Variants in MGST1 observed in about 807,000 individuals in gnomAD.
MGST1 encodes microsomal glutathione S-transferase 1.
MGST1 carries 5 observed loss-of-function variants against 8.9 expected under a neutral mutation model. The ratio of observed to expected loss-of-function variants is 0.56; its 90% CI spans 0.29 to 1.19. The LOEUF (loss-of-function observed/expected upper bound fraction) is 1.19. Among genes scored for constraint, MGST1 ranks in the 50% most tolerant of loss-of-function variants. The probability of loss-of-function intolerance (pLI) is 0.08; values close to 1 mark genes in which losing one functional copy is unlikely to be tolerated. For missense variants in MGST1, 182 were observed against 187.4 expected, an observed-to-expected ratio of 0.97 and a Z score of 0.17; for synonymous variants, 54 against 67.8, an observed-to-expected ratio of 0.80 and a Z score of 1.00.
chr12:16,380,123 T>C (rs1366772481), downstream of MGST1, among the ~76,000 whole-genome samples: 1 of 152,216 alleles, frequency 6.6e-6, no homozygotes, highest in Non-Finnish European at 1.5e-5. Flanking sequence ...TTGAAGGGTT[T>C]TTTGTGTCTC....
rs182013725 is a variant in MGST1 at position 16,584,396 on chromosome 12, C to T, written n.483-5132C>T. Among the ~76,000 whole-genome samples the T allele has an allele frequency of 1.6e-4, 24 of 152,196 alleles. No individual in the cohort carries two copies. Among genetic ancestry groups the T allele is most frequent in the Admixed American group, 1.4e-3 (21 of 15,274 alleles). ...GGCAACAGATGAAATTCAGTTAAAA[C>T]AATATTTTGATGGGAAAGGCATCTG... On this transcript the variant is annotated intron_variant and non_coding_transcript_variant, in intron 4 of 4. Coordinates refer to the MGST1 transcript ENST00000538857. This position sits in a 1 kb window ranked among gnomAD's most constrained non-coding sequence, Gnocchi z 5.2.
At chr12:16,581,501 A>AT (rs991114283) in intron 4 of MGST1, among the ~76,000 whole-genome samples, 11 of 152,290 alleles carry the variant, frequency 7.2e-5, no homozygotes, top group South Asian at 4.1e-4. Flanking sequence ...ATTTCTGTCC[A>AT]TTTTTTTAAC....
In MGST1 at chr12:16,401,434, A is replaced by G; in HGVS notation, n.778+17830A>G. On this transcript the variant is annotated intron_variant and non_coding_transcript_variant, in intron 1 of 1. Coordinates refer to the MGST1 transcript ENST00000359720. This position sits in a 1 kb window ranked among gnomAD's most constrained non-coding sequence, Gnocchi z 4.3. ...TGGCTTCTGCTTTTTAGCCACGTCCATGACAGCATTATATACATCACATAT... is the reference window on the plus strand; with the variant it reads ...TGGCTTCTGCTTTTTAGCCACGTCCGTGACAGCATTATATACATCACATAT... 1 of 871,426 alleles carries G rather than the reference A, an allele frequency of 1.1e-6. No homozygotes were observed. Among genetic ancestry groups the G allele is most frequent in the South Asian group, 1.3e-5 (1 of 75,462 alleles). The allele number at this position is 871,426 out of a possible 1,614,324, so 54.0% of individuals were successfully genotyped here.
chr12:16,514,168 G>T lies in MGST1; in HGVS notation n.483-75360G>T, dbSNP rs139185239. ...GGTAACAAGGATGCCTGGGCTGTGC[G>T]CCACTCTGCCAATTATACGCCATTG... On this transcript the variant is annotated intron_variant and non_coding_transcript_variant, in intron 4 of 4. Coordinates refer to the MGST1 transcript ENST00000538857. 2.7e-5 allele frequency: 9 copies of T among 337,172 alleles called. No individual in the cohort carries two copies. The East Asian group carries it at 6.3e-4, about 23-fold the overall frequency. The allele number at this position is 337,172 out of a possible 1,614,324, so 20.9% of individuals were successfully genotyped here.
intron 4 of MGST1, among the ~76,000 whole-genome samples, chr12:16,529,267 C>T (rs531294138): frequency 7.2e-5 from 11 of 151,988 alleles, no homozygotes; most frequent in Admixed American, 2.0e-4. Context: ...GTTTCATTTC[C>T]GAGATTACCC....
intron 4 of MGST1, among the ~76,000 whole-genome samples, chr12:16,575,630 T>C (rs1942969318): frequency 6.6e-6 from 1 of 152,164 alleles, no homozygotes; most frequent in African/African-American, 2.4e-5. Context: ...CATGCAGAAT[T>C]ATGTAATACA....
At position 16,544,827 on chromosome 12, in the gene MGST1, G is replaced by A. The variant is rs1458488193; in HGVS notation, n.483-44701G>A. ...ATGAAAGTTCCATTGATGTGATAGG[G>A]AGGATGACTATTAAATTATCGGCTA... On this transcript the variant is annotated intron_variant and non_coding_transcript_variant, in intron 4 of 4. Coordinates refer to the MGST1 transcript ENST00000538857. This position sits in a 1 kb window ranked among gnomAD's most constrained non-coding sequence, Gnocchi z 4.8. 6.6e-6 allele frequency among the ~76,000 whole-genome samples: 1 copy of A among 152,004 alleles called. No individual in the cohort carries two copies. Among genetic ancestry groups the A allele is most frequent in the African/African-American group, 2.4e-5 (1 of 41,424 alleles).
Position 16,503,234 on chromosome 12 carries a change from T to A in MGST1, n.483-86294T>A, listed in dbSNP as rs188743547. 6.6e-6 allele frequency among the ~76,000 whole-genome samples: 1 copy of A among 151,568 alleles called. No homozygotes were observed. Among genetic ancestry groups the A allele is most frequent in the Non-Finnish European group, 1.5e-5 (1 of 67,932 alleles). On this transcript the variant is annotated intron_variant and non_coding_transcript_variant, in intron 4 of 4. Coordinates refer to the MGST1 transcript ENST00000538857. This position sits in a 1 kb window ranked among gnomAD's most constrained non-coding sequence, Gnocchi z 4.8. Reference sequence around the variant, plus strand: ...ACAATAGTTTGGGTTGGACAGGCAATGTAAATATGGATGGTTTCAAGGGAA... The same window carrying A: ...ACAATAGTTTGGGTTGGACAGGCAAAGTAAATATGGATGGTTTCAAGGGAA...
intron 3 of MGST1, chr12:16,370,036 C>A (rs528453053): frequency 6.6e-6 from 1 of 152,128 alleles, no homozygotes; most frequent in Non-Finnish European, 1.5e-5. Context: ...TGCACTTGTC[C>A]GCTTTGTTAT....
intron 4 of MGST1, among the ~76,000 whole-genome samples, chr12:16,463,166 C>G (rs1201239704): frequency 6.6e-6 from 1 of 152,114 alleles, no homozygotes; most frequent in South Asian, 2.1e-4. Flanking sequence ...TTACCTCTCC[C>G]CTTACCTTAC....
At chr12:16,487,431 T>A (rs1472327751) in intron 4 of MGST1, among the ~76,000 whole-genome samples, 2 of 152,158 alleles carry the variant, frequency 1.3e-5, no homozygotes, top group African/African-American at 4.8e-5. Context: ...CTAACTTTTT[T>A]AACAGATTAG....
chr12:16,480,891 G>C (rs933884766), intron 4 of MGST1, among the ~76,000 whole-genome samples: 22 of 152,132 alleles, frequency 1.4e-4, no homozygotes, highest in Admixed American at 1.1e-3. Context: ...AACATAGCCA[G>C]AGCCTGTCTC....
At chr12:16,563,803 A>G (rs1942487953) in intron 4 of MGST1, among the ~76,000 whole-genome samples, 1 of 152,212 alleles carries the variant, frequency 6.6e-6, no homozygotes, top group Non-Finnish European at 1.5e-5. Context: ...ATCTAAATTA[A>G]TCACAGCATA....
intron 1 of MGST1, among the ~76,000 whole-genome samples, chr12:16,388,406 T>C (rs1940523395): frequency 6.6e-6 from 1 of 152,106 alleles, no homozygotes; most frequent in Admixed American, 6.5e-5. Context: ...TGTTTGCTTT[T>C]CTATGACTTG....
chr12:16,364,435 A>T (rs1313716551), downstream of MGST1: 1 of 975,410 alleles, frequency 1.0e-6, no homozygotes, highest in East Asian at 1.1e-4. This position sits in a 1 kb window ranked among gnomAD's most constrained non-coding sequence, Gnocchi z 5.7. Flanking sequence ...ATTTTTCCCA[A>T]CATTTTATTT....
intron 1 of MGST1, chr12:16,400,957 T>C: frequency 7.3e-7 from 1 of 1,372,216 alleles, no homozygotes; most frequent in South Asian, 1.2e-5. Context: ...GTCACCTCTT[T>C]GCTTCTTCAT....
chr12:16,459,441 T>G (rs1941203026), intron 4 of MGST1, among the ~76,000 whole-genome samples: 1 of 152,286 alleles, frequency 6.6e-6, no homozygotes, highest in South Asian at 2.1e-4. Context: ...ATAAACATTA[T>G]TTCCTTTCTC....
downstream of MGST1, among the ~76,000 whole-genome samples, chr12:16,439,318 G>A (rs541404786): frequency 6.6e-6 from 1 of 151,884 alleles, no homozygotes; most frequent in East Asian, 1.9e-4. Flanking sequence ...AGGTATTTTG[G>A]AAAGTATCTA....
intron 1 of MGST1, among the ~76,000 whole-genome samples, chr12:16,387,763 T>C (rs1157241759): frequency 3.3e-5 from 5 of 152,120 alleles, no homozygotes; most frequent in African/African-American, 7.2e-5. Flanking sequence ...CCTGACCTCA[T>C]GATCTGCCCG....
Sources: gnomAD v4.1 joint callset for allele counts (sites outside exome capture counted in the v4.1 genomes callset) on GRCh38, gnomAD v4.1.1 for gene constraint, Gnocchi (gnomAD v3.1) non-coding constraint, MANE v1.5 for transcripts, NCBI Gene and HGNC (gene_info 2026-07-23, HGNC 2026-07-21) for gene names.